SUMF2: variants seen among roughly 807,000 people sequenced by gnomAD.
SUMF2 encodes sulfatase modifying factor 2.
In SUMF2, 45 loss-of-function variants were observed where a neutral mutation model predicts 44.8. The ratio of observed to expected loss-of-function variants is 1.00; its 90% CI spans 0.79 to 1.29. SUMF2 has a LOEUF of 1.29. SUMF2 is among the 50% of genes most tolerant of loss of function. SUMF2 has a pLI of 0.00. For missense variants in SUMF2, 418 were observed against 389.9 expected (o/e 1.07, Z -0.61); for synonymous variants, 148 against 150.4 (o/e 0.98, Z 0.12).
At chr7:56,076,738 A>G (rs1795577381) in intron 5 of SUMF2, 96 bp from the exon 6 acceptor site, 2 of 1,173,636 alleles carry the variant, frequency 1.7e-6, no homozygotes, top group African/African-American at 3.1e-5. Flanking sequence ...ATCACCCTCT[A>G]ACTTCCTTTT....
chr7:56,078,570 G>A lies in SUMF2; in HGVS notation c.821+62G>A, dbSNP rs138388447. On this transcript the variant is annotated intron_variant, in intron 8 of 8. Transcript: ENST00000434526. ...AGCTGGGGGCTGATGTCTGAATCCC[G>A]GTCCCAGAGTGTCCCTACCTTCACA... 1.5e-3 allele frequency: 2,177 copies of A among 1,478,312 alleles called. 25 individuals carry two copies. In the African/African-American group the frequency reaches 0.023, roughly 16 times the overall value. The allele number at this position is 1,478,312 out of a possible 1,614,324, so 91.6% of individuals were successfully genotyped here.
At chr7:56,071,892 A>G (rs1181833686) in intron 2 of SUMF2, among the ~76,000 whole-genome samples, 1 of 151,988 alleles carries the variant, frequency 6.6e-6, no homozygotes. Context: ...CGGGCAGATC[A>G]TGAAGTCAGG....
intron 6 of SUMF2, among the ~76,000 whole-genome samples, chr7:56,077,843 G>C (rs1162282342): frequency 2.0e-5 from 3 of 151,940 alleles, no homozygotes; most frequent in African/African-American, 4.8e-5. Context: ...TGAGAGTGGA[G>C]AAGTCAGGTG....
In SUMF2 at chr7:56,073,367, G is replaced by C. The variant is rs1313297687; in HGVS notation, c.339+256G>C. ...GGAACTTGAATCAAGAGATCACCTTGGTGGGCCGAGCGTGGTGTCTCATGC... is the reference window on the plus strand; with the variant it reads ...GGAACTTGAATCAAGAGATCACCTTCGTGGGCCGAGCGTGGTGTCTCATGC... On this transcript the variant is annotated intron_variant, in intron 3 of 8. Coordinates refer to ENST00000434526, the MANE Select transcript of SUMF2 (RefSeq NM_015411.4). 5.9e-6 allele frequency: 3 copies of C among 507,472 alleles called. No homozygotes were observed. In the Admixed American group the frequency reaches 8.4e-5, roughly 14 times the overall value. 31.4% of individuals were successfully genotyped at this position (507,472 alleles called of 1,614,324 possible).
chr7:56,066,780 T>G lies in SUMF2; in HGVS notation c.68-1702T>G, dbSNP rs1349560061. 1.3e-5 allele frequency among the ~76,000 whole-genome samples: 2 copies of G among 152,178 alleles called. 1 individual carries two copies. The highest frequency in any genetic ancestry group is 4.1e-4 in the South Asian group (2 of 4,828). On this transcript the variant is annotated intron_variant, in intron 1 of 8. Transcript: ENST00000434526. ...GATTACAGGCACCTGACACCACGCCTGGCTGATTTTTGTATTTTTAGTAGA... is the reference window on the plus strand; with the variant it reads ...GATTACAGGCACCTGACACCACGCCGGGCTGATTTTTGTATTTTTAGTAGA...
chr7:56,078,783 C>G (rs746625212), intron 8 of SUMF2: 5 of 440,716 alleles, frequency 1.1e-5, no homozygotes, highest in Non-Finnish European at 2.0e-5. Context: ...TATGGGGTTT[C>G]TCCTCTTGTC....
At chr7:56,073,360 T>C (rs879936730) in intron 3 of SUMF2, 32 of 531,578 alleles carry the variant, frequency 6.0e-5, no homozygotes, top group Middle Eastern at 4.9e-4. Context: ...AATCAAGAGA[T>C]CACCTTGGTG....
At chr7:56,080,902 TGA>T, downstream of SUMF2, 2 of 859,160 alleles carry the variant, frequency 2.3e-6, no homozygotes, top group South Asian at 1.7e-5. Context: ...GCACAGCCTT[TGA>T]GAGGGGATCG....
In SUMF2 at chr7:56,078,908, T is replaced by C. The variant is rs1795771271; in HGVS notation, c.821+400T>C. ...TGGTGGGCACACGAAAAATCTTTTT[T>C]TTTTTTGAGACAGAGTCTTGCTCTG... On this transcript the variant is annotated intron_variant, in intron 8 of 8. Coordinates refer to ENST00000434526, the MANE Select transcript of SUMF2 (RefSeq NM_015411.4). 5 of 482,326 alleles carry C rather than the reference T, an allele frequency of 1.0e-5. 1 individual carries two copies. The South Asian group carries it at 2.0e-4, about 19-fold the overall frequency. 29.9% of individuals were successfully genotyped at this position (482,326 alleles called of 1,614,324 possible).
chr7:56,069,300 G>C lies in SUMF2; in HGVS notation c.224+662G>C, dbSNP rs1415985943. Among the ~76,000 whole-genome samples, 4 of 152,016 alleles carry C rather than the reference G, an allele frequency of 2.6e-5. No homozygotes were observed. The East Asian group carries it at 5.8e-4, about 22-fold the overall frequency. The stretch of plus-strand genomic sequence containing the variant: ...TTGGGAGAAGGGACATCATAGTAGA[G>C]AGTCCTTTAAATTCCCCTTATAGGC... On this transcript the variant is annotated intron_variant, in intron 2 of 8. Coordinates refer to ENST00000434526, the MANE Select transcript of SUMF2 (RefSeq NM_015411.4).
downstream of SUMF2, chr7:56,081,364 C>T (rs1285545411): frequency 1.6e-5 from 25 of 1,536,928 alleles, no homozygotes; most frequent in Non-Finnish European, 2.2e-5. The surrounding 1 kb of genome is among the most constrained non-coding windows in gnomAD (Gnocchi z 4.6). Context: ...CCCTCCAGCA[C>T]AGGGACGCTC....
intron 1 of SUMF2, among the ~76,000 whole-genome samples, chr7:56,065,851 G>A (rs1433832649): frequency 6.6e-6 from 1 of 152,136 alleles, no homozygotes; most frequent in African/African-American, 2.4e-5. Context: ...AAGAGCCTGA[G>A]GCGGGCGGAT....
At chr7:56,082,019 C>T (rs374223622), downstream of SUMF2, 39 of 1,613,706 alleles carry the variant, frequency 2.4e-5, no homozygotes, top group African/African-American at 1.6e-4. Context: ...CGGCCAGCAG[C>T]GTGTACATGA....
chr7:56,074,502 A>G, intron 4 of SUMF2, 84 bp from the exon 5 acceptor site: 1 of 1,547,668 alleles, frequency 6.5e-7, no homozygotes, highest in Non-Finnish European at 8.8e-7. Context: ...TAGTGGTAAA[A>G]GCTGAACGCG....
chr7:56,066,083 A>AG, intron 1 of SUMF2, among the ~76,000 whole-genome samples: 1 of 45,118 alleles, frequency 2.2e-5, no homozygotes, highest in Admixed American at 2.3e-4. Context: ...TCCGCCTCAC[A>AG]AAAAAAAAAA....
downstream of SUMF2, among the ~76,000 whole-genome samples, chr7:56,085,642 C>T (rs1343111463): frequency 3.3e-5 from 5 of 152,264 alleles, no homozygotes; most frequent in Non-Finnish European, 7.4e-5. Flanking sequence ...TCATTACAGT[C>T]GTCCCTAGAT....
In SUMF2 at chr7:56,074,430, C is replaced by CT. The variant is rs1356073101; in HGVS notation, c.385-150dup. 16 of 1,112,320 alleles carry CT rather than the reference C, an allele frequency of 1.4e-5. No individual in the cohort carries two copies. The East Asian group carries it at 3.2e-4, about 22-fold the overall frequency. 68.9% of individuals were successfully genotyped at this position (1,112,320 alleles called of 1,614,324 possible). On this transcript the variant is annotated intron_variant, in intron 4 of 8. Transcript: ENST00000434526. ...TTCTCCCTTCAGCCTCCTGTAGTCT[C>CT]TTTTTTCTGACTCCGACCACTGGTC...
chr7:56,071,472 G>C (rs920568278), intron 2 of SUMF2, among the ~76,000 whole-genome samples: 1 of 152,044 alleles, frequency 6.6e-6, no homozygotes, highest in African/African-American at 2.4e-5. Flanking sequence ...CTGGGTGACA[G>C]AGTGAGACCT....
chr7:56,083,619 G>A, downstream of SUMF2: 2 of 1,559,176 alleles, frequency 1.3e-6, no homozygotes, highest in South Asian at 2.3e-5. Context: ...CACGTGGGAG[G>A]GAGCGGAGAG....
Sources: allele counts gnomAD v4.1 joint callset (sites outside exome capture counted in the v4.1 genomes callset), GRCh38; gene constraint gnomAD v4.1.1; non-coding constraint Gnocchi (gnomAD v3.1); transcripts MANE v1.5; gene names NCBI Gene and HGNC (gene_info 2026-07-23, HGNC 2026-07-21).